The following DMBT1 variants were observed in gnomAD, a reference collection of about 807,000 sequenced individuals.
The protein encoded by DMBT1 is deleted in malignant brain tumors 1.
A neutral mutation model predicts 252.9 loss-of-function variants in DMBT1; 198 were observed. The observed-to-expected ratio is 0.78, with a 90% confidence interval of 0.70 to 0.88. The LOEUF is 0.88. Ranked by LOEUF, DMBT1 falls within the 40% of genes least tolerant of loss-of-function variation. The probability of loss-of-function intolerance (pLI) is 0.00; values close to 1 mark genes in which losing one functional copy is unlikely to be tolerated. For missense variants in DMBT1, 2,432 were observed against 2,404.7 expected, an observed-to-expected ratio of 1.01 and a Z score of -0.24; for synonymous variants, 990 against 942.7, an observed-to-expected ratio of 1.05 and a Z score of -0.92.
At chr10:122,572,265 T>C (rs779838840) in intron 4 of DMBT1, 49 bp from the exon 5 acceptor site, 7 of 1,610,606 alleles carry the variant, frequency 4.3e-6, no homozygotes, top group South Asian at 1.1e-5. Flanking sequence ...ACCAACCCTC[T>C]TCAAGCAAGG....
At chr10:122,633,016 C>T (rs1429827126) in intron 51 of DMBT1, 126 bp downstream of exon 51, 3 of 1,521,190 alleles carry the variant, frequency 2.0e-6, no homozygotes, top group African/African-American at 2.8e-5. Context: ...TGCAAGAGTG[C>T]CCTGCCAGCC....
chr10:122,629,879 G>T lies in DMBT1; in HGVS notation c.5708G>T (p.Ser1903Ile). 4.3e-6 allele frequency: 7 copies of T among 1,614,020 alleles called. No individual in the cohort carries two copies. The highest frequency in any genetic ancestry group is 5.9e-6 in the Non-Finnish European group (7 of 1,179,892). Residue 1903 changes from serine (S) to isoleucine (I), a missense_variant, in exon 47 of 56, where the codon AGT becomes ATT. This residue lies in a region of DMBT1 where 1,162 missense variants were observed against 1,169.0 expected (regional missense o/e 0.99). Transcript: ENST00000338354. Reference sequence around the variant, plus strand: ...TGTGGTGGCTTCTTATTCTATGCCAGTGGGACATTCTCCAGCCCATCCTAC... The same window carrying T: ...TGTGGTGGCTTCTTATTCTATGCCATTGGGACATTCTCCAGCCCATCCTAC... ...SNCGGFLFYA[S>I]GTFSSPSYPA...
At chr10:122,618,787 A>C (rs1018133158) in intron 41 of DMBT1, among the ~76,000 whole-genome samples, 2 of 152,234 alleles carry the variant, frequency 1.3e-5, no homozygotes, top group Non-Finnish European at 2.9e-5. Context: ...GTCTGGAAAT[A>C]GAGGCTCAAG....
intron 1 of DMBT1, among the ~76,000 whole-genome samples, chr10:122,562,045 A>G (rs1463925605): frequency 7.0e-6 from 1 of 143,640 alleles, no homozygotes; most frequent in Non-Finnish European, 1.5e-5. Flanking sequence ...CTTTCTCATC[A>G]TCTATTGGGC....
Position 122,629,978 on chromosome 10 carries a change from G to C in DMBT1, c.5807G>C (p.Gly1936Ala). 6.2e-7 allele frequency: 1 copy of C among 1,614,008 alleles called. No individual in the cohort carries two copies. The highest frequency in any genetic ancestry group is 1.1e-5 in the South Asian group (1 of 91,080). ...AATTCTGGTTATCGCATAAACCTGG[G>C]CTTCAGTAATCTGAAGTAAGTAATG... ...EVNSGYRINL[G>A]FSNLKLEAHH... The change falls in exon 47 of 56, where the codon GGC (glycine) becomes GCC (alanine). Residue 1936 changes from glycine to alanine, a missense_variant. Around this residue, in one of 3 missense-constraint regions of DMBT1, gnomAD observed 1,162 missense variants for 1,169.0 expected, o/e 0.99. Coordinates refer to ENST00000338354, the MANE Select transcript of DMBT1 (RefSeq NM_001377530.1).
chr10:122,573,633 C>A, intron 5 of DMBT1, 82 bp from the exon 6 acceptor site: 1 of 1,536,916 alleles, frequency 6.5e-7, no homozygotes, highest in Non-Finnish European at 9.0e-7. Context: ...CCAGCCCTTG[C>A]TTCAGAGCTG....
chr10:122,587,318 C>T (rs191110990), intron 16 of DMBT1, among the ~76,000 whole-genome samples: 2 of 148,522 alleles, frequency 1.3e-5, no homozygotes, highest in Admixed American at 6.7e-5. Context: ...AGGCATCAGA[C>T]CGGAAACACA....
chr10:122,563,152 G>T (rs1043539225), intron 1 of DMBT1, among the ~76,000 whole-genome samples: 1 of 152,210 alleles, frequency 6.6e-6, no homozygotes, highest in Non-Finnish European at 1.5e-5. Flanking sequence ...AACTCAGTAT[G>T]CCCAGGTTTG....
Position 122,586,517 on chromosome 10 carries a change from A to T in DMBT1, c.1783+134A>T. 3 of 1,380,150 alleles carry T rather than the reference A, an allele frequency of 2.2e-6. 1 individual carries two copies. The highest frequency in any genetic ancestry group is 2.9e-6 in the Non-Finnish European group (3 of 1,033,442). 85.5% of individuals were successfully genotyped at this position (1,380,150 alleles called of 1,614,324 possible). ...TCTGATACCTCCTTAGCTCTCTCCT[A>T]GGAAACCGCATGAGTCTTCACCACA... On this transcript the variant is annotated intron_variant, in intron 16 of 55. Coordinates refer to ENST00000338354, the MANE Select transcript of DMBT1 (RefSeq NM_001377530.1).
At chr10:122,590,893 AGT>A (rs2133583746) in intron 18 of DMBT1, among the ~76,000 whole-genome samples, 199 bp downstream of exon 18, 1 of 148,142 alleles carries the variant, frequency 6.8e-6, no homozygotes, top group East Asian at 2.1e-4. Context: ...AAGAATTGAG[AGT>A]GATTGCCAAA....
intron 2 of DMBT1, among the ~76,000 whole-genome samples, chr10:122,569,015 C>T (rs1347433055): frequency 6.6e-6 from 1 of 152,180 alleles, no homozygotes; most frequent in Admixed American, 6.5e-5. Flanking sequence ...ACCTGCTTTG[C>T]AGTAAGTCAT....
intron 41 of DMBT1, among the ~76,000 whole-genome samples, chr10:122,618,937 C>T (rs2098031871): frequency 6.6e-6 from 1 of 152,254 alleles, no homozygotes; most frequent in African/African-American, 2.4e-5. Flanking sequence ...TCTGGCCAGG[C>T]ATGGCCTTGT....
intron 44 of DMBT1, among the ~76,000 whole-genome samples, chr10:122,622,948 A>C (rs890042180): frequency 6.6e-6 from 1 of 152,096 alleles, no homozygotes; most frequent in Non-Finnish European, 1.5e-5. Flanking sequence ...CTGAGATGGA[A>C]CCTTCCCTCT....
intron 25 of DMBT1, among the ~76,000 whole-genome samples, chr10:122,598,295 T>G (rs1198957164): frequency 6.6e-6 from 1 of 152,148 alleles, no homozygotes; most frequent in Non-Finnish European, 1.5e-5. Flanking sequence ...CTAATCCTAC[T>G]AAGACCTCAT....
intron 10 of DMBT1, among the ~76,000 whole-genome samples, chr10:122,580,262 C>T (rs185181731): frequency 1.3e-5 from 2 of 152,122 alleles, no homozygotes; most frequent in African/African-American, 2.4e-5. Flanking sequence ...CCCCTCACTG[C>T]GAGGAACTCT....
intron 19 of DMBT1, 105 bp from the exon 20 acceptor site, chr10:122,592,167 T>G: frequency 6.6e-7 from 1 of 1,503,808 alleles, no homozygotes; most frequent in Non-Finnish European, 9.0e-7. Flanking sequence ...CGTGACTGCT[T>G]GTCCAGGCGA....
chr10:122,579,456 T>G, intron 9 of DMBT1, 122 bp from the exon 10 acceptor site: 1 of 1,565,282 alleles, frequency 6.4e-7, no homozygotes. Flanking sequence ...TGTGGTCATA[T>G]GCAAAGGTGA....
chr10:122,563,245 T>A lies in DMBT1; in HGVS notation c.61+2414T>A, dbSNP rs79235280. Among the ~76,000 whole-genome samples the A allele has an allele frequency of 5.6e-3, 850 of 152,354 alleles. 49 individuals carry two copies. In the East Asian group the frequency reaches 0.13, roughly 24 times the overall value. Reference sequence around the variant, plus strand: ...CCACTTGCCTGCTGTGGATCCTCTGTGACCCTCAGTTTACTCATTTATAAA... The same window carrying A: ...CCACTTGCCTGCTGTGGATCCTCTGAGACCCTCAGTTTACTCATTTATAAA... On this transcript the variant is annotated intron_variant, in intron 1 of 55. Coordinates refer to ENST00000338354, the MANE Select transcript of DMBT1 (RefSeq NM_001377530.1).
chr10:122,599,831 T>A (rs904860551), intron 26 of DMBT1, among the ~76,000 whole-genome samples: 5 of 151,864 alleles, frequency 3.3e-5, no homozygotes, highest in Non-Finnish European at 7.4e-5. Flanking sequence ...CCAACCGGGT[T>A]ACCCTGGGCA....
Sources: allele counts gnomAD v4.1 joint callset (sites outside exome capture counted in the v4.1 genomes callset), GRCh38; gene constraint gnomAD v4.1.1; regional missense constraint gnomAD v4.1.1; transcripts MANE v1.5; gene names NCBI Gene and HGNC (gene_info 2026-07-23, HGNC 2026-07-21).